The following COX10 variants were observed in gnomAD, a reference collection of about 807,000 sequenced individuals.
COX10 encodes the protein cytochrome c oxidase assembly factor heme A:farnesyltransferase COX10.
A neutral mutation model predicts 37.3 loss-of-function variants in COX10; 27 were observed. That is an observed-to-expected ratio of 0.72 (90% CI 0.53 to 1.00). The LOEUF is 1.00. Ranked by LOEUF, COX10 falls within the 50% of genes least tolerant of loss-of-function variation. The probability of loss-of-function intolerance (pLI) is 0.00; values close to 1 mark genes in which losing one functional copy is unlikely to be tolerated. For missense variants in COX10, 475 were observed against 563.2 expected, an observed-to-expected ratio of 0.84 and a Z score of 1.59; for synonymous variants, 222 against 229.1, an observed-to-expected ratio of 0.97 and a Z score of 0.28.
chr17:14,117,441 T>G (rs117271305), intron 4 of COX10, among the ~76,000 whole-genome samples: 3,892 of 152,346 alleles, frequency 0.026, 60 homozygotes, highest in Middle Eastern at 0.048. Flanking sequence ...AATGCCACTC[T>G]TATAATGTGC....
Position 14,074,472 on chromosome 17 carries a change from C to T in COX10, c.177+16C>T. The T allele has an allele frequency of 6.4e-7, 1 of 1,562,148 alleles. No individual in the cohort carries two copies. Among genetic ancestry groups the T allele is most frequent in the Non-Finnish European group, 8.6e-7 (1 of 1,160,878 alleles). ...CAAACGCATGGTATGTTTAGAAGAC[C>T]ATTCTTACTCTGTTACTTTCTGCCT... On this transcript the variant is annotated intron_variant, in intron 2 of 6. Coordinates refer to ENST00000261643, the MANE Select transcript of COX10 (RefSeq NM_001303.4).
chr17:14,109,236 A>G (rs979099752), intron 4 of COX10, among the ~76,000 whole-genome samples: 4 of 152,120 alleles, frequency 2.6e-5, no homozygotes, highest in African/African-American at 9.7e-5. Flanking sequence ...TGGTTTTTAT[A>G]TATAAGGAAA....
At chr17:14,105,956 A>G (rs1915883566) in intron 4 of COX10, among the ~76,000 whole-genome samples, 1 of 152,122 alleles carries the variant, frequency 6.6e-6, no homozygotes, top group Non-Finnish European at 1.5e-5. Context: ...ATATTTTTTC[A>G]TAAAATAGTA....
intron 5 of COX10, among the ~76,000 whole-genome samples, chr17:14,188,213 G>GAA (rs10648666): frequency 0.51 from 71,360 of 139,030 alleles, 18,884 homozygotes; most frequent in South Asian, 0.61. Flanking sequence ...GTCTCATAGG[G>GAA]AAAAAAAAAA....
intron 4 of COX10, among the ~76,000 whole-genome samples, chr17:14,118,120 T>C (rs1916153066): frequency 6.6e-6 from 1 of 152,106 alleles, no homozygotes; most frequent in African/African-American, 2.4e-5. Context: ...TCCAGCTGCT[T>C]GTGTCTGTGC....
intron 2 of COX10, among the ~76,000 whole-genome samples, chr17:14,076,111 C>CTTTTTTTTTTTTTTTTTTTTTTT (rs376434284): frequency 9.7e-6 from 1 of 103,254 alleles, no homozygotes; most frequent in Non-Finnish European, 1.8e-5. Context: ...TCTTTTTTGT[C>CTTTTTTTTTTTTTTTTTTTTTTT]TTTTTTTTTT....
At chr17:14,147,241 C>A (rs1175882924) in intron 4 of COX10, among the ~76,000 whole-genome samples, 1 of 152,090 alleles carries the variant, frequency 6.6e-6, no homozygotes, top group Non-Finnish European at 1.5e-5. Context: ...GATTTGGAAG[C>A]AAACTAAATG....
intron 3 of COX10, among the ~76,000 whole-genome samples, chr17:14,093,444 A>C (rs1200345419): frequency 6.6e-6 from 1 of 152,216 alleles, no homozygotes; most frequent in Non-Finnish European, 1.5e-5. Context: ...CTTAAAAAAA[A>C]ACAAATTCTT....
At chr17:14,076,363 C>T (rs1353935117) in intron 2 of COX10, among the ~76,000 whole-genome samples, 1 of 152,048 alleles carries the variant, frequency 6.6e-6, no homozygotes, top group Admixed American at 6.6e-5. Context: ...TCATGAGCCA[C>T]TGTGCCTGGC....
chr17:14,102,596 G>A (rs1466008358), intron 4 of COX10, among the ~76,000 whole-genome samples: 1 of 151,948 alleles, frequency 6.6e-6, no homozygotes, highest in African/African-American at 2.4e-5. Context: ...CTCTTTCTTG[G>A]TTTGATTTCT....
chr17:14,110,358 A>G (rs563390951), intron 4 of COX10, among the ~76,000 whole-genome samples: 3 of 152,220 alleles, frequency 2.0e-5, no homozygotes, highest in African/African-American at 7.2e-5. Flanking sequence ...CTATTCGGTA[A>G]GCATTGTGGA....
intron 3 of COX10, among the ~76,000 whole-genome samples, chr17:14,089,659 C>T (rs1357554003): frequency 6.6e-6 from 1 of 152,202 alleles, no homozygotes; most frequent in Non-Finnish European, 1.5e-5. Context: ...CCTTCTTGCT[C>T]AGTTTTCTTC....
In COX10 at chr17:14,173,095, G is replaced by A. The variant is rs149063500; in HGVS notation, c.695+13148G>A. Among the ~76,000 whole-genome samples the A allele has an allele frequency of 2.6e-5, 4 of 152,246 alleles. No homozygotes were observed. In the East Asian group the frequency reaches 5.8e-4, roughly 22 times the overall value. On this transcript the variant is annotated intron_variant, in intron 5 of 6. Transcript: ENST00000261643. ...TGTTTGAATTCCTTGTACATTCTGG[G>A]TATTAATACTCTTGTCACGTGGACA...
chr17:14,159,982 A>G (rs1905139316), intron 5 of COX10, 35 bp downstream of exon 5: 4 of 1,566,392 alleles, frequency 2.6e-6, no homozygotes, highest in Middle Eastern at 2.0e-4. Context: ...TCCACATTAT[A>G]AAACATTCAT....
rs11315138 is a variant in COX10, at chr17:14,155,329, TAAA to T, written c.625-4533_625-4531del. ...AGTTTGTGATGTTAAAACATCTACA[TAAA>T]AAAAAAAAAAAAAACAGCAATCAAG... On this transcript the variant is annotated intron_variant, in intron 4 of 6. Transcript: ENST00000261643. Among the ~76,000 whole-genome samples the T allele has an allele frequency of 8.6e-3, 1,248 of 144,738 alleles. 13 individuals carry two copies. Among genetic ancestry groups the T allele is most frequent in the Middle Eastern group, 0.032 (9 of 278 alleles). The allele number at this position is 144,738 out of a possible 152,430, so 95.0% of individuals were successfully genotyped here.
intron 4 of COX10, among the ~76,000 whole-genome samples, chr17:14,129,218 C>T (rs1363546136): frequency 6.6e-6 from 1 of 150,668 alleles, no homozygotes; most frequent in African/African-American, 2.4e-5. Context: ...ATTTCAGGTA[C>T]TGCTAGATAT....
At chr17:14,077,142 A>T in intron 3 of COX10, 86 bp downstream of exon 3, 1 of 1,337,060 alleles carries the variant, frequency 7.5e-7, no homozygotes, top group Non-Finnish European at 1.0e-6. Flanking sequence ...ACCTGAAAAG[A>T]ATAATTTGGA....
chr17:14,072,574 C>T lies in COX10; in HGVS notation c.44-1749C>T, dbSNP rs144127741. Among the ~76,000 whole-genome samples, 747 of 152,194 alleles carry T rather than the reference C, an allele frequency of 4.9e-3. 16 individuals are homozygous for T. The highest frequency in any genetic ancestry group is 0.033 in the Admixed American group (497 of 15,284). ...TTCACCATGTTGGTCAGGCTGGTCT[C>T]GAACTCCTAACCTCAGGTAATCCAC... On this transcript the variant is annotated intron_variant, in intron 1 of 6. Coordinates refer to ENST00000261643, the MANE Select transcript of COX10 (RefSeq NM_001303.4).
intron 5 of COX10, among the ~76,000 whole-genome samples, chr17:14,189,139 C>G (rs546960696): frequency 8.5e-6 from 1 of 117,728 alleles, no homozygotes; most frequent in East Asian, 2.6e-4. Flanking sequence ...TTTAAAATTT[C>G]CATTGAAAGC....
Sources: allele counts gnomAD v4.1 joint callset (sites outside exome capture counted in the v4.1 genomes callset), GRCh38; gene constraint gnomAD v4.1.1; transcripts MANE v1.5; gene names NCBI Gene and HGNC (gene_info 2026-07-23, HGNC 2026-07-21).